The following NSD2 variants were observed in gnomAD, a reference collection of about 807,000 sequenced individuals.
NSD2 encodes the protein histone-lysine N-methyltransferase NSD2.
NSD2 carries 12 observed loss-of-function variants against 139.0 expected under a neutral mutation model. The ratio of observed to expected loss-of-function variants is 0.09; its 90% CI spans 0.06 to 0.14. The LOEUF is 0.14. NSD2 is among the 10% of genes least tolerant of loss of function. The pLI is 1.00. For missense variants in NSD2, 1,155 were observed against 1,745.0 expected (o/e 0.66, Z 6.02); for synonymous variants, 669 against 648.7 (o/e 1.03, Z -0.48).
chr4:1,898,679 CAAAAA>C (rs762278949), intron 1 of NSD2, among the ~76,000 whole-genome samples: 10 of 143,292 alleles, frequency 7.0e-5, no homozygotes, highest in African/African-American at 2.6e-4. Flanking sequence ...AAACAAAAAA[CAAAAA>C]ACACACTTTT....
chr4:1,939,944 A>C (rs1722914340), intron 9 of NSD2, 166 bp downstream of exon 9: 1 of 1,478,848 alleles, frequency 6.8e-7, no homozygotes, highest in Non-Finnish European at 8.9e-7. Flanking sequence ...TGAAATGGAC[A>C]AACAGTGCAC....
rs187002165 is a variant in NSD2 at position 1,974,792 on chromosome 4, T to C, written c.3373-71T>C. 2.5e-5 allele frequency: 40 copies of C among 1,600,012 alleles called. No individual in the cohort carries two copies. In the East Asian group the frequency reaches 8.7e-4, roughly 35 times the overall value. ...ACAACTTGTTCAATGTGCTTTATGA[T>C]GGTGAAAATTCCCTTTAAAAATAAC... On this transcript the variant is annotated intron_variant, in intron 18 of 21. Coordinates refer to ENST00000508803, the MANE Select transcript of NSD2 (RefSeq NM_001042424.3). The surrounding 1 kb of genome is among the most constrained non-coding windows in gnomAD (Gnocchi z 4.0).
chr4:1,941,978 G>C, intron 9 of NSD2: 1 of 1,090,548 alleles, frequency 9.2e-7, no homozygotes, highest in South Asian at 3.9e-5. Context: ...GAGAATTGCT[G>C]TTTGAGGTCC....
chr4:1,964,037 C>T (rs1001588175), intron 18 of NSD2, among the ~76,000 whole-genome samples: 1 of 152,128 alleles, frequency 6.6e-6, no homozygotes, highest in Admixed American at 6.6e-5. Context: ...CCTACTTAAA[C>T]GTTTACAAAG....
chr4:1,959,884 AG>A (rs1560772531), intron 17 of NSD2, 144 bp downstream of exon 17: 1 of 1,000,518 alleles, frequency 1.0e-6, no homozygotes, highest in African/African-American at 1.6e-5. Context: ...GTTTTGAGAC[AG>A]GGTCTCACTC....
rs770598241 is a variant in NSD2 at position 1,918,156 on chromosome 4, T to G, written c.943T>G (p.Ser315Ala). 2 of 1,609,884 alleles carry G rather than the reference T, an allele frequency of 1.2e-6. No individual in the cohort carries two copies. Among genetic ancestry groups the G allele is most frequent in the Admixed American group, 3.4e-5 (2 of 59,392 alleles). ...AEKIKLLKPISGKLRAQWEMG... is the reference protein window; with the variant it reads ...AEKIKLLKPIAGKLRAQWEMG... ...TTTTTCCCAGCTATTGAAACCAATTTCAGGGAAATTGAGGGCCCAGTGGGA... is the reference window on the plus strand; with the variant it reads ...TTTTTCCCAGCTATTGAAACCAATTGCAGGGAAATTGAGGGCCCAGTGGGA... Residue 315 changes from serine to alanine, a missense_variant, in exon 5 of 22, where the codon TCA (serine) becomes GCA (alanine). Physicochemically the swap from Ser to Ala is moderately conservative, Grantham distance 99. Transcript: ENST00000508803.
At chr4:1,951,261 C>A in intron 10 of NSD2, 58 bp downstream of exon 10, 1 of 1,607,584 alleles carries the variant, frequency 6.2e-7, no homozygotes, top group Non-Finnish European at 8.5e-7. Context: ...GGCCCCGGTA[C>A]GCAGAGCGAA....
chr4:1,910,753 T>TA (rs1381276813), intron 3 of NSD2, among the ~76,000 whole-genome samples: 1 of 152,224 alleles, frequency 6.6e-6, no homozygotes, highest in Non-Finnish European at 1.5e-5. Context: ...TGCTGAGAGA[T>TA]GTGTTAAAAT....
intron 2 of NSD2, among the ~76,000 whole-genome samples, chr4:1,902,305 G>A (rs1717294211): frequency 6.6e-6 from 1 of 152,102 alleles, no homozygotes; most frequent in African/African-American, 2.4e-5. Flanking sequence ...GCTCACAACA[G>A]CCTTGACCTC....
At chr4:1,876,970 T>C (rs1027737514) in intron 1 of NSD2, among the ~76,000 whole-genome samples, 2 of 151,882 alleles carry the variant, frequency 1.3e-5, no homozygotes, top group Non-Finnish European at 2.9e-5. Flanking sequence ...ACCCCGTCTC[T>C]ACTAAAAATA....
Position 1,978,866 on chromosome 4 carries a change from G to A in NSD2, c.4055G>A (p.Arg1352Lys). The change falls in exon 22 of 22, where the codon AGG (arginine) becomes AAG (lysine). Residue 1352 changes from arginine to lysine, a missense_variant. Arg to Lys is a conservative substitution (Grantham distance 26, BLOSUM62 2). Transcript: ENST00000508803. Reference protein sequence around the residue: ...PPEPGKPKGKRRRRRGWRRVT... With the variant: ...PPEPGKPKGKKRRRRGWRRVT... ...GAGCCAGGGAAGCCGAAGGGGAAGAGGCGGCGGCGGAGGGGCTGGCGGAGA... is the reference window on the plus strand; with the variant it reads ...GAGCCAGGGAAGCCGAAGGGGAAGAAGCGGCGGCGGAGGGGCTGGCGGAGA... 1 of 1,595,020 alleles carries A rather than the reference G, an allele frequency of 6.3e-7. No homozygotes were observed. The highest frequency in any genetic ancestry group is 8.6e-7 in the Non-Finnish European group (1 of 1,167,980).
Position 1,955,921 on chromosome 4 carries a change from A to C in NSD2, c.2676-62A>C. 2 of 1,610,864 alleles carry C rather than the reference A, an allele frequency of 1.2e-6. No individual in the cohort carries two copies. Among genetic ancestry groups the C allele is most frequent in the Non-Finnish European group, 1.7e-6 (2 of 1,177,900 alleles). ...GTGTTCGCTTTACAGTACTTAAAGT[A>C]TTGAAATTATTATCGCTGTCTCTGA... is the stretch of plus-strand genomic sequence containing the variant. On this transcript the variant is annotated intron_variant, in intron 14 of 21. Coordinates refer to ENST00000508803, the MANE Select transcript of NSD2 (RefSeq NM_001042424.3). The surrounding 1 kb of genome is among the most constrained non-coding windows in gnomAD (Gnocchi z 4.7).
At chr4:1,950,106 C>T (rs1300577918) in intron 9 of NSD2, among the ~76,000 whole-genome samples, 1 of 152,224 alleles carries the variant, frequency 6.6e-6, no homozygotes, top group African/African-American at 2.4e-5. Context: ...ATTTACCTAA[C>T]ATCAAATAAA....
intron 16 of NSD2, 66 bp from the exon 17 acceptor site, chr4:1,959,405 T>TG: frequency 1.3e-6 from 2 of 1,562,104 alleles, no homozygotes; most frequent in Non-Finnish European, 1.7e-6. Flanking sequence ...GAGGCAGTGG[T>TG]GGGTGTGCAA....
At chr4:1,905,930 C>T (rs2108762503) in intron 3 of NSD2, among the ~76,000 whole-genome samples, 2 of 152,288 alleles carry the variant, frequency 1.3e-5, no homozygotes, top group East Asian at 3.9e-4. Flanking sequence ...CAGAAGCTGT[C>T]TCCCCTTTGT....
intron 6 of NSD2, among the ~76,000 whole-genome samples, chr4:1,931,011 C>T (rs1721569674): frequency 6.6e-6 from 1 of 152,120 alleles, no homozygotes; most frequent in African/African-American, 2.4e-5. Context: ...CCTTGCTCTC[C>T]TACCCAAGTT....
intron 5 of NSD2, among the ~76,000 whole-genome samples, chr4:1,927,425 A>G (rs1156664580): frequency 6.6e-6 from 1 of 152,046 alleles, no homozygotes; most frequent in Non-Finnish European, 1.5e-5. Context: ...CTCTAAAAAG[A>G]TGTTGGGGGG....
At chr4:1,969,212 G>T (rs1311774568) in intron 18 of NSD2, among the ~76,000 whole-genome samples, 1 of 152,164 alleles carries the variant, frequency 6.6e-6, no homozygotes, top group Non-Finnish European at 1.5e-5. Flanking sequence ...TCTTTGAAAG[G>T]ATCACCTTCC....
chr4:1,879,988 T>A (rs1714585244), intron 1 of NSD2, among the ~76,000 whole-genome samples: 1 of 152,250 alleles, frequency 6.6e-6, no homozygotes, highest in Middle Eastern at 3.4e-3. Context: ...CTTTGATATG[T>A]CTTCAGTGCC....
Sources: gnomAD v4.1 joint callset for allele counts (sites outside exome capture counted in the v4.1 genomes callset) on GRCh38, gnomAD v4.1.1 for gene constraint, Gnocchi (gnomAD v3.1) non-coding constraint, MANE v1.5 for transcripts, NCBI Gene and HGNC (gene_info 2026-07-23, HGNC 2026-07-21) for gene names.